Variants in MYH15 observed in about 807,000 individuals in gnomAD.
MYH15 encodes the protein myosin heavy chain 15.
MYH15 carries 227 observed loss-of-function variants against 240.5 expected under a neutral mutation model. The observed-to-expected ratio is 0.94, with a 90% CI of 0.85 to 1.05. MYH15 has a LOEUF of 1.05. Among genes scored for constraint, MYH15 ranks in the 50% least tolerant of loss-of-function variants. MYH15 has a pLI of 0.00. For synonymous variants in MYH15, 785 were observed against 796.7 expected (o/e 0.99, Z 0.25); for missense variants, 2,217 against 2,247.5 (o/e 0.99, Z 0.27).
chr3:108,528,388 G>A (rs2083689481), intron 1 of MYH15, among the ~76,000 whole-genome samples: 1 of 152,132 alleles, frequency 6.6e-6, no homozygotes, highest in South Asian at 2.1e-4. Context: ...AAGGTATGAT[G>A]GATTTCTTTG....
rs1014625057 is a variant in MYH15, at chr3:108,410,845, G to A, written c.4233C>T (p.His1411=). The part of the protein sequence containing the change: ...ARNASLERAR[H]QLQLELGDAL... ...CGTCCCCGAGCTCCAGCTGCAGCTG[G>A]TGCCTGGCTCTCTCCAAGGAGGCAT... is the stretch of plus-strand genomic sequence containing the variant. Residue 1411 remains histidine, a synonymous_variant, in exon 31 of 41, where the codon CAC becomes CAT. Transcript: ENST00000693548. The A allele has an allele frequency of 2.5e-6, 4 of 1,613,982 alleles. No homozygotes were observed. Among genetic ancestry groups the A allele is most frequent in the South Asian group, 1.1e-5 (1 of 91,076 alleles).
intron 13 of MYH15, 89 bp from the exon 14 acceptor site, chr3:108,470,301 C>T: frequency 1.1e-6 from 1 of 925,754 alleles, no homozygotes; most frequent in Non-Finnish European, 1.6e-6. Context: ...AAACCATAAC[C>T]ATTATTATAT....
Position 108,414,227 on chromosome 3 carries a change from C to T in MYH15, c.4145+5G>A, listed in dbSNP as rs777335262. On this transcript the variant is annotated splice_donor_5th_base_variant and intron_variant, in intron 30 of 40. Transcript: ENST00000693548. The stretch of plus-strand genomic sequence containing the variant: ...CCAGGTTAAGGATAGCCTTGCCCTA[C>T]TCACTTGGCATCCTCCAAGTCTTCT... The T allele has an allele frequency of 3.7e-6, 6 of 1,613,188 alleles. No homozygotes were observed. The African/African-American group carries it at 8.0e-5, about 22-fold the overall frequency.
At chr3:108,473,989 A>G (rs953626903) in intron 12 of MYH15, among the ~76,000 whole-genome samples, 1 of 152,218 alleles carries the variant, frequency 6.6e-6, no homozygotes, top group African/African-American at 2.4e-5. Context: ...TTAAATGCCA[A>G]TTACCATTGA....
chr3:108,488,913 G>A (rs6766060), intron 9 of MYH15, among the ~76,000 whole-genome samples: 1 of 152,146 alleles, frequency 6.6e-6, no homozygotes, highest in South Asian at 2.1e-4. Context: ...AGTGAAAAAG[G>A]GTTGCCTTTT....
In MYH15 at chr3:108,459,815, G is replaced by T. The variant is rs116940412; in HGVS notation, c.1933-366C>A. 3.2e-4 allele frequency among the ~76,000 whole-genome samples: 48 copies of T among 152,286 alleles called. No individual in the cohort carries two copies. The East Asian group carries it at 9.1e-3, about 29-fold the overall frequency. ...CAGATTCTCTAGAAGCCAAACCTGA[G>T]ATGGGAATTCTGGTTCAAGAGATTT... On this transcript the variant is annotated intron_variant, in intron 17 of 40. Transcript: ENST00000693548.
intron 36 of MYH15, 82 bp downstream of exon 36, chr3:108,393,949 G>T: frequency 1.9e-6 from 3 of 1,574,766 alleles, no homozygotes; most frequent in Admixed American, 1.7e-5. Context: ...ATACTTTTTG[G>T]CTGCAGATGT....
intron 25 of MYH15, among the ~76,000 whole-genome samples, chr3:108,431,954 T>C (rs779105460): frequency 2.6e-5 from 4 of 152,172 alleles, no homozygotes; most frequent in Non-Finnish European, 5.9e-5. Context: ...TAGAACTTTG[T>C]GGAACTTTGA....
the MYH15 span, among the ~76,000 whole-genome samples, chr3:108,537,430 A>G: frequency 2.6e-5 from 4 of 152,218 alleles, no homozygotes; most frequent in Admixed American, 2.6e-4. Flanking sequence ...TAATAATAGT[A>G]TTAAGAGGGA....
At chr3:108,479,611 T>C (rs1263156798) in intron 11 of MYH15, among the ~76,000 whole-genome samples, 2 of 152,180 alleles carry the variant, frequency 1.3e-5, no homozygotes, top group Non-Finnish European at 1.5e-5. Context: ...AGGCCTGAGC[T>C]TCAGGATTTT....
intron 25 of MYH15, 136 bp downstream of exon 25, chr3:108,437,417 TG>T: frequency 8.9e-7 from 1 of 1,126,334 alleles, no homozygotes; most frequent in Non-Finnish European, 1.2e-6. Context: ...AAAAAAAAAT[TG>T]TTTCCTAGGC....
At chr3:108,405,182 T>C (rs749767709) in intron 33 of MYH15, 156 bp downstream of exon 33, 3 of 423,468 alleles carry the variant, frequency 7.1e-6, no homozygotes, top group African/African-American at 2.0e-5. Context: ...TACACGATTA[T>C]AGATATTGTA....
At chr3:108,434,464 G>T (rs189579310) in intron 25 of MYH15, among the ~76,000 whole-genome samples, 1 of 151,884 alleles carries the variant, frequency 6.6e-6, no homozygotes, top group African/African-American at 2.4e-5. Flanking sequence ...TTACAGGCAT[G>T]AGCCACCACA....
Position 108,396,234 on chromosome 3 carries a change from T to G in MYH15, c.5134-2078A>C, listed in dbSNP as rs937601765. Among the ~76,000 whole-genome samples, 17 of 152,228 alleles carry G rather than the reference T, an allele frequency of 1.1e-4. 1 individual carries two copies. The highest frequency in any genetic ancestry group is 1.9e-4 in the Non-Finnish European group (13 of 68,038). ...CCCACTGGTGCATTATCATGTATGA[T>G]ATGCATGGCAAATGATTTGTTACCA... is the stretch of plus-strand genomic sequence containing the variant. On this transcript the variant is annotated intron_variant, in intron 35 of 40. Coordinates refer to ENST00000693548, the MANE Select transcript of MYH15 (RefSeq NM_014981.3).
chr3:108,387,536 A>G (rs1303659490), intron 38 of MYH15, among the ~76,000 whole-genome samples: 3 of 152,218 alleles, frequency 2.0e-5, no homozygotes, highest in Non-Finnish European at 2.9e-5. Flanking sequence ...AACCAAAAAA[A>G]TATATAACTT....
chr3:108,529,352 A>G, upstream of MYH15: 1 of 1,161,066 alleles, frequency 8.6e-7, no homozygotes, highest in Non-Finnish European at 1.3e-6. Flanking sequence ...TGAGAGAATG[A>G]TAGCCAGGAA....
intron 2 of MYH15, among the ~76,000 whole-genome samples, chr3:108,503,354 A>C (rs1172553387): frequency 6.6e-6 from 1 of 152,238 alleles, no homozygotes; most frequent in Non-Finnish European, 1.5e-5. Context: ...GTCATCATTA[A>C]GAAAATGAAA....
At chr3:108,457,281 A>G (rs2083030620) in intron 18 of MYH15, among the ~76,000 whole-genome samples, 1 of 152,216 alleles carries the variant, frequency 6.6e-6, no homozygotes, top group Admixed American at 6.5e-5. Context: ...TTCTCCGTGC[A>G]GGAGGGGGAA....
intron 11 of MYH15, among the ~76,000 whole-genome samples, chr3:108,478,464 A>G (rs1424735170): frequency 6.6e-6 from 1 of 152,248 alleles, no homozygotes; most frequent in Admixed American, 6.5e-5. Context: ...GCCTGCTAAC[A>G]GTGCCAGGTT....
Sources: allele counts gnomAD v4.1 joint callset (sites outside exome capture counted in the v4.1 genomes callset), GRCh38; gene constraint gnomAD v4.1.1; transcripts MANE v1.5; gene names NCBI Gene and HGNC (gene_info 2026-07-23, HGNC 2026-07-21).